The following SPECC1L variants were observed in gnomAD, a reference collection of about 807,000 sequenced individuals.
SPECC1L encodes the protein sperm antigen with calponin homology and coiled-coil domains 1 like, also known as cytospin-A.
In SPECC1L, 40 loss-of-function variants were observed where a neutral mutation model predicts 116.8. The ratio of observed to expected loss-of-function variants is 0.34; its 90% CI spans 0.27 to 0.45. SPECC1L has a LOEUF of 0.45. Among genes scored for constraint, SPECC1L ranks in the 20% least tolerant of loss-of-function variants. The pLI, the probability that SPECC1L is intolerant of heterozygous loss-of-function variation, is 1.00. For missense variants in SPECC1L, 1,110 were observed against 1,373.6 expected (o/e 0.81, Z 3.03); for synonymous variants, 504 against 500.6 (o/e 1.01, Z -0.09).
chr22:24,333,559 T>G (rs1286705536), intron 8 of SPECC1L, among the ~76,000 whole-genome samples: 1 of 141,920 alleles, frequency 7.0e-6, no homozygotes, highest in Non-Finnish European at 1.6e-5. Context: ...GGGTCTAGGC[T>G]TTTTTTTTTT....
intron 16 of SPECC1L, among the ~76,000 whole-genome samples, chr22:24,413,820 C>G (rs777401640): frequency 2.0e-5 from 3 of 152,196 alleles, no homozygotes; most frequent in Non-Finnish European, 4.4e-5. Context: ...CCCTCCTGAT[C>G]CTGCGTGCTC....
At chr22:24,288,614 G>GTTTT (rs1569405165) in intron 2 of SPECC1L, among the ~76,000 whole-genome samples, 2 of 81,840 alleles carry the variant, frequency 2.4e-5, no homozygotes, top group Non-Finnish European at 4.7e-5. Flanking sequence ...AAAATTTTAA[G>GTTTT]CTTTTTTTTT....
At chr22:24,365,102 G>C (rs2041729541) in intron 12 of SPECC1L, among the ~76,000 whole-genome samples, 1 of 152,018 alleles carries the variant, frequency 6.6e-6, no homozygotes, top group African/African-American at 2.4e-5. Context: ...CCACCACCCG[G>C]GTTTAAGCAA....
chr22:24,350,807 C>G (rs916877341), intron 11 of SPECC1L, among the ~76,000 whole-genome samples: 7 of 152,174 alleles, frequency 4.6e-5, no homozygotes, highest in Non-Finnish European at 1.0e-4. Context: ...AGAGCCAGTG[C>G]AAGTCTGCAG....
chr22:24,331,984 A>G (rs2040947690), intron 8 of SPECC1L, among the ~76,000 whole-genome samples: 1 of 152,236 alleles, frequency 6.6e-6, no homozygotes, highest in South Asian at 2.1e-4. Flanking sequence ...TGCTATACTC[A>G]AGACTATACT....
intron 14 of SPECC1L, among the ~76,000 whole-genome samples, chr22:24,381,430 G>A (rs2042059316): frequency 6.6e-6 from 1 of 152,154 alleles, no homozygotes; most frequent in South Asian, 2.1e-4. Context: ...AGTTTTATTG[G>A]GGGATGTACT....
intron 8 of SPECC1L, among the ~76,000 whole-genome samples, chr22:24,332,221 T>C (rs551626935): frequency 5.3e-5 from 8 of 152,202 alleles, no homozygotes; most frequent in Non-Finnish European, 1.2e-4. Flanking sequence ...TTGAAGTGAA[T>C]GTTAGGATTT....
At chr22:24,359,130 A>G (rs2041593396) in intron 11 of SPECC1L, among the ~76,000 whole-genome samples, 1 of 152,104 alleles carries the variant, frequency 6.6e-6, no homozygotes, top group Non-Finnish European at 1.5e-5. Flanking sequence ...TCTGTTGCCC[A>G]CCAGCTACTA....
intron 5 of SPECC1L, 33 bp from the exon 6 acceptor site, chr22:24,324,187 C>G: frequency 6.3e-7 from 1 of 1,585,474 alleles, no homozygotes; most frequent in Non-Finnish European, 8.7e-7. Context: ...CAACTCTTAA[C>G]TTTTCTAAAT....
In SPECC1L at chr22:24,322,213, T is replaced by A; in HGVS notation, c.1233T>A (p.Ser411Arg). The change falls in exon 5 of 17, where the codon AGT becomes AGA. Residue 411 changes from serine to arginine, a missense_variant. Physicochemically the swap from Ser to Arg is moderately radical, Grantham distance 110. Transcript: ENST00000314328. Reference protein sequence around the residue: ...HQMEENQHSTSEELQATLQEL... With the variant: ...HQMEENQHSTREELQATLQEL... ...TGGAAGAGAACCAACACAGTACAAG[T>A]GAGGAACTCCAGGCAACCCTGCAAG... 6.2e-7 allele frequency: 1 copy of A among 1,614,016 alleles called. No homozygotes were observed. The highest frequency in any genetic ancestry group is 8.5e-7 in the Non-Finnish European group (1 of 1,180,020).
Position 24,270,838 on chromosome 22 carries a change from AG to A in SPECC1L, c.-284del, listed in dbSNP as rs35017204. The stretch of plus-strand genomic sequence containing the variant: ...GGGCTGGCCAAGGGCGGGGCCCGCG[AG>A]GGAGGCCGGGCGGCCCGGCAAGCGG... On this transcript the variant is annotated 5_prime_UTR_variant, in exon 1 of 17. Coordinates refer to ENST00000314328, the MANE Select transcript of SPECC1L (RefSeq NM_015330.6). 6.6e-6 allele frequency: 1 copy of A among 152,230 alleles called. No homozygotes were observed. The highest frequency in any genetic ancestry group is 1.5e-5 in the Non-Finnish European group (1 of 68,172). The allele number at this position is 152,230 out of a possible 1,614,324, so 9.4% of individuals were successfully genotyped here.
chr22:24,301,737 A>G (rs1398485970), intron 2 of SPECC1L, among the ~76,000 whole-genome samples: 1 of 152,106 alleles, frequency 6.6e-6, no homozygotes, highest in Non-Finnish European at 1.5e-5. Flanking sequence ...ATTGTTTTCA[A>G]GGTTCACCCA....
In SPECC1L at chr22:24,414,687, C is replaced by T. The variant is rs565545203; in HGVS notation, c.*64C>T. On this transcript the variant is annotated 3_prime_UTR_variant, in exon 17 of 17. Transcript: ENST00000314328. ...CTCCACAGCGACCGAGCGACACCGA[C>T]GCCATTAGCTACGCACCCCTGTAAA... is the stretch of plus-strand genomic sequence containing the variant. The T allele has an allele frequency of 1.8e-5, 26 of 1,421,784 alleles. No homozygotes were observed. The highest frequency in any genetic ancestry group is 2.8e-5 in the African/African-American group (2 of 71,516). The allele number at this position is 1,421,784 out of a possible 1,614,324, so 88.1% of individuals were successfully genotyped here.
At chr22:24,297,352 TTTCA>T (rs2049287220) in intron 2 of SPECC1L, among the ~76,000 whole-genome samples, 1 of 152,132 alleles carries the variant, frequency 6.6e-6, no homozygotes, top group Non-Finnish European at 1.5e-5. Context: ...GAAATGGAAA[TTTCA>T]GGAAATGGAA....
intron 2 of SPECC1L, among the ~76,000 whole-genome samples, chr22:24,281,298 C>T (rs1293625809): frequency 6.6e-6 from 1 of 152,112 alleles, no homozygotes; most frequent in Non-Finnish European, 1.5e-5. Context: ...GTCCTAGGTC[C>T]TTTGCATTTC....
intron 16 of SPECC1L, among the ~76,000 whole-genome samples, chr22:24,414,109 G>A: frequency 6.6e-6 from 1 of 152,210 alleles, no homozygotes; most frequent in Admixed American, 6.5e-5. Flanking sequence ...GTTGCCCATG[G>A]TGAAGGCCGT....
chr22:24,346,289 G>T (rs1455314138), intron 10 of SPECC1L, among the ~76,000 whole-genome samples: 1 of 152,200 alleles, frequency 6.6e-6, no homozygotes, highest in Non-Finnish European at 1.5e-5. Flanking sequence ...TAAGGCATGA[G>T]CCACTGCGCC....
In SPECC1L at chr22:24,414,429, C is replaced by G. The variant is rs1310137158; in HGVS notation, c.3265-105C>G. The G allele has an allele frequency of 5.5e-6, 5 of 905,304 alleles. No homozygotes were observed. The East Asian group carries it at 1.3e-4, about 23-fold the overall frequency. The allele number at this position is 905,304 out of a possible 1,614,324, so 56.1% of individuals were successfully genotyped here. ...GTGTAATTAGGCCTAGAAAATATTT[C>G]AAGGCCCCATCCAACTCCAAGAGCC... On this transcript the variant is annotated intron_variant, in intron 16 of 16. Coordinates refer to ENST00000314328, the MANE Select transcript of SPECC1L (RefSeq NM_015330.6).
intron 14 of SPECC1L, among the ~76,000 whole-genome samples, chr22:24,376,704 A>G (rs542603306): frequency 9.8e-5 from 15 of 152,310 alleles, no homozygotes; most frequent in African/African-American, 3.6e-4. Context: ...TTCCACACTC[A>G]GGCCTGAAAA....
Sources: gnomAD v4.1 joint callset for allele counts (sites outside exome capture counted in the v4.1 genomes callset) on GRCh38, gnomAD v4.1.1 for gene constraint, MANE v1.5 for transcripts, NCBI Gene and HGNC (gene_info 2026-07-23, HGNC 2026-07-21) for gene names.